The following MTUS2 variants were observed in gnomAD, a reference collection of about 807,000 sequenced individuals.
MTUS2 encodes microtubule-associated tumor suppressor candidate 2.
Under a neutral mutation model 114.1 loss-of-function variants are expected in MTUS2, and 40 were observed. The observed-to-expected ratio is 0.35, with a 90% CI of 0.27 to 0.46. The LOEUF (loss-of-function observed/expected upper bound fraction) is 0.46, where lower values mean the gene tolerates loss of function less well. Ranked by LOEUF, MTUS2 falls within the 20% of genes least tolerant of loss-of-function variation. The pLI is 1.00. For missense variants in MTUS2, 1,679 were observed against 1,705.4 expected (o/e 0.98, Z 0.27); for synonymous variants, 688 against 672.0 (o/e 1.02, Z -0.37).
intron 8 of MTUS2, among the ~76,000 whole-genome samples, chr13:29,404,285 G>A (rs946859083): frequency 6.6e-6 from 1 of 151,772 alleles, no homozygotes; most frequent in Non-Finnish European, 1.5e-5. Context: ...TGGAGAGGTC[G>A]AGGCTGCAGT....
intron 4 of MTUS2, among the ~76,000 whole-genome samples, chr13:29,075,369 C>T (rs1178394945): frequency 6.6e-6 from 1 of 152,170 alleles, no homozygotes; most frequent in East Asian, 1.9e-4. Flanking sequence ...TGATTCTGCC[C>T]TCTTTGTCTA....
chr13:29,368,187 C>G (rs1215220813), intron 8 of MTUS2, among the ~76,000 whole-genome samples: 1 of 151,866 alleles, frequency 6.6e-6, no homozygotes, highest in Non-Finnish European at 1.5e-5. Context: ...ATCTGCCCAC[C>G]TCGACCTCCC....
chr13:28,837,709 A>G (rs558375116), intron 1 of MTUS2, among the ~76,000 whole-genome samples: 5 of 152,256 alleles, frequency 3.3e-5, no homozygotes, highest in Admixed American at 1.3e-4. Context: ...GAGCTGTTCT[A>G]TTTGCAGCTC....
intron 4 of MTUS2, among the ~76,000 whole-genome samples, chr13:29,088,058 CAAAAAAAA>C (rs57654117): frequency 3.7e-5 from 5 of 135,560 alleles, no homozygotes; most frequent in East Asian, 2.6e-4. Context: ...GACTCCGTCT[CAAAAAAAA>C]AAAAAAAAAA....
At chr13:28,981,279 G>T (rs1884348253) in intron 2 of MTUS2, among the ~76,000 whole-genome samples, 1 of 152,104 alleles carries the variant, frequency 6.6e-6, no homozygotes, top group African/African-American at 2.4e-5. Context: ...TAGATAAAAT[G>T]AGAAAAAGGA....
chr13:29,070,721 C>G (rs1164469619), intron 4 of MTUS2, among the ~76,000 whole-genome samples: 1 of 152,006 alleles, frequency 6.6e-6, no homozygotes, highest in Non-Finnish European at 1.5e-5. Flanking sequence ...CTCCCTTCAG[C>G]TCTGGGCAAT....
chr13:29,320,445 G>A (rs1900206582), intron 6 of MTUS2, among the ~76,000 whole-genome samples: 2 of 152,186 alleles, frequency 1.3e-5, no homozygotes, highest in South Asian at 4.1e-4. Context: ...GTGGTAATGG[G>A]AAAACTAAAA....
intron 5 of MTUS2, among the ~76,000 whole-genome samples, chr13:29,165,666 G>A (rs2139096322): frequency 6.6e-6 from 1 of 152,294 alleles, no homozygotes; most frequent in East Asian, 1.9e-4. Context: ...TGCAGTAGAC[G>A]ATGTTGTAGA....
chr13:29,033,839 C>T, intron 3 of MTUS2, 46 bp from the exon 4 acceptor site: 1 of 1,608,788 alleles, frequency 6.2e-7, no homozygotes, highest in Non-Finnish European at 8.5e-7. Flanking sequence ...AGAACTCACA[C>T]TATGATGTGA....
chr13:29,062,029 GA>G (rs2138650454), intron 4 of MTUS2, among the ~76,000 whole-genome samples: 1 of 152,286 alleles, frequency 6.6e-6, no homozygotes, highest in African/African-American at 2.4e-5. Flanking sequence ...CTGTTGCTTA[GA>G]CTTGAGTGCA....
At chr13:29,000,891 C>A (rs1389303119) in intron 2 of MTUS2, among the ~76,000 whole-genome samples, 1 of 152,164 alleles carries the variant, frequency 6.6e-6, no homozygotes, top group Non-Finnish European at 1.5e-5. Context: ...TCTACGCAGC[C>A]CACTCTAACC....
At chr13:29,111,673 A>G (rs1054201380) in intron 5 of MTUS2, among the ~76,000 whole-genome samples, 1 of 152,178 alleles carries the variant, frequency 6.6e-6, no homozygotes, top group Non-Finnish European at 1.5e-5. Context: ...GCTTTCTTGC[A>G]TTGTTGTAAC....
At chr13:29,170,057 G>GA (rs2139114818) in intron 5 of MTUS2, among the ~76,000 whole-genome samples, 1 of 35,232 alleles carries the variant, frequency 2.8e-5, no homozygotes, top group South Asian at 8.5e-4. Flanking sequence ...AGAGCATGGA[G>GA]AAAGAAGTGA....
At chr13:29,488,231 A>G in intron 11 of MTUS2, 2 of 544,876 alleles carry the variant, frequency 3.7e-6, no homozygotes, top group Non-Finnish European at 6.6e-6. Context: ...ACCTTGATGA[A>G]TACTGGAATT....
At chr13:29,236,648 T>C (rs1277522803) in intron 5 of MTUS2, among the ~76,000 whole-genome samples, 1 of 152,198 alleles carries the variant, frequency 6.6e-6, no homozygotes, top group African/African-American at 2.4e-5. Flanking sequence ...AGAAAGGTAA[T>C]GCTGAGCAAG....
At chr13:28,885,585 T>G (rs1390912515) in intron 2 of MTUS2, among the ~76,000 whole-genome samples, 1 of 152,168 alleles carries the variant, frequency 6.6e-6, no homozygotes, top group Non-Finnish European at 1.5e-5. Context: ...GGGGTCAAAT[T>G]TAGGAAGACG....
intron 8 of MTUS2, among the ~76,000 whole-genome samples, chr13:29,424,794 G>A (rs886619249): frequency 7.9e-5 from 12 of 152,138 alleles, no homozygotes; most frequent in Admixed American, 7.2e-4. Flanking sequence ...TCTACAGGGC[G>A]GCTGACCCAG....
rs148442178 is a variant in MTUS2 at position 29,003,819 on chromosome 13, C to T, written c.-242-20638C>T. Among the ~76,000 whole-genome samples, 572 of 152,282 alleles carry T rather than the reference C, an allele frequency of 3.8e-3. 2 individuals carry two copies. Among genetic ancestry groups the T allele is most frequent in the African/African-American group, 0.013 (545 of 41,542 alleles). On this transcript the variant is annotated intron_variant, in intron 2 of 15. Coordinates refer to ENST00000612955, the MANE Select transcript of MTUS2 (RefSeq NM_001033602.4). ...CAAACTAGGCAGAGTGCTCCTGCGG[C>T]CCTGGCACAGCCTCCGTGGATGGCT...
intron 5 of MTUS2, among the ~76,000 whole-genome samples, chr13:29,209,141 T>G (rs1433457392): frequency 6.6e-6 from 1 of 152,176 alleles, no homozygotes; most frequent in Non-Finnish European, 1.5e-5. Flanking sequence ...GATTGTGATA[T>G]TTTCCCTTTG....
Sources: allele counts gnomAD v4.1 joint callset (sites outside exome capture counted in the v4.1 genomes callset), GRCh38; gene constraint gnomAD v4.1.1; transcripts MANE v1.5; gene names NCBI Gene and HGNC (gene_info 2026-07-23, HGNC 2026-07-21).